Variants in DUOXA1 observed in about 807,000 individuals in gnomAD.
DUOXA1 encodes the protein dual oxidase activator 1.
DUOXA1 carries 19 observed loss-of-function variants against 26.6 expected under a neutral mutation model. The observed-to-expected ratio is 0.71, with a 90% confidence interval of 0.50 to 1.05. DUOXA1 has a LOEUF of 1.05. DUOXA1 is among the 50% of genes least tolerant of loss of function. The pLI is 0.00. For synonymous variants in DUOXA1, 166 were observed against 177.0 expected, an observed-to-expected ratio of 0.94 and a Z score of 0.49; for missense variants, 403 against 427.5, an observed-to-expected ratio of 0.94 and a Z score of 0.51.
intron 4 of DUOXA1, among the ~76,000 whole-genome samples, chr15:45,122,559 A>AT (rs35373061): frequency 0.77 from 112,525 of 146,574 alleles, 46,659 homozygotes; most frequent in East Asian, 0.93. Context: ...ATGCCCAGCT[A>AT]TTTTTTTTTT....
Position 45,119,268 on chromosome 15 carries a change from G to T in DUOXA1, c.870C>A (p.Asp290Glu), listed in dbSNP as rs143792283. Residue 290 changes from aspartate to glutamate, a missense_variant, in exon 9 of 9, where the codon GAC becomes GAA. By Grantham distance (45) the Asp-to-Glu change is conservative. Coordinates refer to ENST00000560572, the MANE Select transcript of DUOXA1 (RefSeq NM_001276266.2). ...CCTCAGGACTCCACTCCAGCATGGG[G>T]TCTTCATCCACACTCTGGTTGAAGA... ...KAFFNQSVDE[D>E]PMLEWSPEEG... is the part of the protein sequence containing the mutation. 64 of 1,614,170 alleles carry T rather than the reference G, an allele frequency of 4.0e-5. 1 individual carries two copies. The African/African-American group carries it at 5.6e-4, about 14-fold the overall frequency.
chr15:45,127,885 C>A (rs886191382), intron 3 of DUOXA1, among the ~76,000 whole-genome samples: 1 of 152,136 alleles, frequency 6.6e-6, no homozygotes, highest in Non-Finnish European at 1.5e-5. Flanking sequence ...GTCAAATATG[C>A]ACCTACAAAT....
At chr15:45,123,469 A>C (rs1895419326) in intron 3 of DUOXA1, among the ~76,000 whole-genome samples, 1 of 152,264 alleles carries the variant, frequency 6.6e-6, no homozygotes, top group Non-Finnish European at 1.5e-5. Context: ...GGTACAGATT[A>C]CAAAAAGATT....
chr15:45,125,903 A>G (rs1895642426), intron 3 of DUOXA1, among the ~76,000 whole-genome samples: 1 of 152,076 alleles, frequency 6.6e-6, no homozygotes, highest in African/African-American at 2.4e-5. Flanking sequence ...CTGAGCTCCA[A>G]ACTCAAAAGG....
chr15:45,128,393 G>A lies in DUOXA1; in HGVS notation c.-30+625C>T, dbSNP rs945126523. ...GGGCCACTAATTCTCCACAAGTGGGGAGTGGGTGACATGGCTGGAGTTGCC... is the reference window on the plus strand; with the variant it reads ...GGGCCACTAATTCTCCACAAGTGGGAAGTGGGTGACATGGCTGGAGTTGCC... On this transcript the variant is annotated intron_variant, in intron 3 of 8. Transcript: ENST00000560572. Among the ~76,000 whole-genome samples, 9 of 152,302 alleles carry A rather than the reference G, an allele frequency of 5.9e-5. No individual in the cohort carries two copies. In the South Asian group the frequency reaches 1.9e-3, roughly 32 times the overall value.
In DUOXA1 at chr15:45,118,156, C is replaced by T. The variant is rs973323984; in HGVS notation, c.*950G>A. 1 of 1,438,122 alleles carries T rather than the reference C, an allele frequency of 7.0e-7. No homozygotes were observed. The highest frequency in any genetic ancestry group is 9.1e-7 in the Non-Finnish European group (1 of 1,101,400). The allele number at this position is 1,438,122 out of a possible 1,614,324, so 89.1% of individuals were successfully genotyped here. A position where few individuals can be genotyped will look rare whatever the true frequency, so the allele number is the denominator to read the frequency against. On this transcript the variant is annotated 3_prime_UTR_variant, in exon 9 of 9. Transcript: ENST00000560572. The stretch of plus-strand genomic sequence containing the variant: ...GCTTCTCCGCGCCGGGGTCGCACGT[C>T]CTCATGAGCTTCGCTGGGCTGGAGA...
chr15:45,122,255 G>T lies in DUOXA1; in HGVS notation c.148-13C>A. 1.3e-6 allele frequency: 2 copies of T among 1,598,534 alleles called. No homozygotes were observed. Among genetic ancestry groups the T allele is most frequent in the Non-Finnish European group, 1.7e-6 (2 of 1,172,086 alleles). On this transcript the variant is annotated splice_polypyrimidine_tract_variant and intron_variant, in intron 4 of 8. Coordinates refer to ENST00000560572, the MANE Select transcript of DUOXA1 (RefSeq NM_001276266.2). ...GCCAGAACAGCCTCTGAGTCACAAG[G>T]TAGGTGGGTTAAGTAAAGAGTGCCT...
At position 45,122,200 on chromosome 15, in the gene DUOXA1, C is replaced by G; in HGVS notation, c.190G>C (p.Gly64Arg). The G allele has an allele frequency of 6.2e-7, 1 of 1,604,140 alleles. No homozygotes were observed. The highest frequency in any genetic ancestry group is 8.5e-7 in the Non-Finnish European group (1 of 1,175,372). The change falls in exon 5 of 9, where the codon GGG becomes CGG. Residue 64 changes from glycine (G) to arginine (R), a missense_variant. Physicochemically the swap from Gly to Arg is moderately radical, Grantham distance 125 (BLOSUM62 -2). Coordinates refer to ENST00000560572, the MANE Select transcript of DUOXA1 (RefSeq NM_001276266.2). ...LLRVVTSLFI[G>R]AAILAVNFSS... Reference sequence around the variant, plus strand: ...TCGCACTCACCCAGGATTGCAGCCCCGATGAATAAGCTGGTCACCACCCGA... The same window carrying G: ...TCGCACTCACCCAGGATTGCAGCCCGGATGAATAAGCTGGTCACCACCCGA...
At chr15:45,126,334 T>C (rs1194431553) in intron 3 of DUOXA1, among the ~76,000 whole-genome samples, 4 of 152,258 alleles carry the variant, frequency 2.6e-5, no homozygotes, top group Non-Finnish European at 1.5e-5. Context: ...ACTGAATGAC[T>C]GACCTCTCCC....
rs1186667877 is a variant in DUOXA1, at chr15:45,117,962, G to A, written c.*1144C>T. ...GCCTTGGGACATCGCAGGCCGGGAAGCAGTGCCCGCCAGGCCTGGGCCAGG... is the reference window on the plus strand; with the variant it reads ...GCCTTGGGACATCGCAGGCCGGGAAACAGTGCCCGCCAGGCCTGGGCCAGG... On this transcript the variant is annotated 3_prime_UTR_variant, in exon 9 of 9. Transcript: ENST00000560572. 1.3e-5 allele frequency: 21 copies of A among 1,612,650 alleles called. No homozygotes were observed. Among genetic ancestry groups the A allele is most frequent in the Non-Finnish European group, 1.7e-5 (20 of 1,179,720 alleles).
Position 45,119,348 on chromosome 15 carries a change from G to A in DUOXA1, c.790C>T (p.Leu264=). Residue 264 remains leucine (L), a synonymous_variant, in exon 9 of 9, where the codon CTG becomes TTG. Transcript: ENST00000560572. Reference sequence around the variant, plus strand: ...TGGGCCACCGCCATAGCCAGGCCCAGCAGCACACACAGCAGTCCTGGAGAT... The same window carrying A: ...TGGGCCACCGCCATAGCCAGGCCCAACAGCACACACAGCAGTCCTGGAGAT... The part of the protein sequence containing the change: ...TLTTGLLCVL[L]GLAMAVAHRM... 4 of 1,612,526 alleles carry A rather than the reference G, an allele frequency of 2.5e-6. No homozygotes were observed. The highest frequency in any genetic ancestry group is 2.5e-6 in the Non-Finnish European group (3 of 1,179,004).
At position 45,120,580 on chromosome 15, in the gene DUOXA1, TC is replaced by T; in HGVS notation, c.554+11del. ...TACCAGGGCCTCCACCCCGTCTCCT[TC>T]CCATCCTCACCATAGCATGGCTGAG... On this transcript the variant is annotated intron_variant, in intron 7 of 8. Coordinates refer to ENST00000560572, the MANE Select transcript of DUOXA1 (RefSeq NM_001276266.2). The T allele has an allele frequency of 6.2e-7, 1 of 1,613,854 alleles. No individual in the cohort carries two copies. Among genetic ancestry groups the T allele is most frequent in the South Asian group, 1.1e-5 (1 of 91,070 alleles).
In DUOXA1 at chr15:45,120,779, T is replaced by C. The variant is rs756865646; in HGVS notation, c.367A>G (p.Thr123Ala). The C allele has an allele frequency of 1.2e-6, 2 of 1,614,020 alleles. No homozygotes were observed. The highest frequency in any genetic ancestry group is 1.7e-5 in the Admixed American group (1 of 60,016). ...TGTPVQQLNE[T>A]INYNEEFTWR... is the part of the protein sequence containing the mutation. Reference sequence around the variant, plus strand: ...GTGAACTCCTCGTTGTAATTGATGGTCTCATTCAGCTGCTGCACGGGGGTC... The same window carrying C: ...GTGAACTCCTCGTTGTAATTGATGGCCTCATTCAGCTGCTGCACGGGGGTC... Residue 123 changes from threonine to alanine, a missense_variant, in exon 7 of 9, where the codon ACC becomes GCC. Thr to Ala is a moderately conservative substitution (Grantham distance 58). Coordinates refer to ENST00000560572, the MANE Select transcript of DUOXA1 (RefSeq NM_001276266.2).
At chr15:45,126,645 T>C (rs1895702125) in intron 3 of DUOXA1, among the ~76,000 whole-genome samples, 1 of 151,308 alleles carries the variant, frequency 6.6e-6, no homozygotes, top group Non-Finnish European at 1.5e-5. Context: ...CATCTTTCCA[T>C]CTTTGCATCC....
At chr15:45,124,333 G>A (rs6493136) in intron 3 of DUOXA1, among the ~76,000 whole-genome samples, 23,650 of 152,130 alleles carry the variant, frequency 0.16, 4,665 homozygotes, top group African/African-American at 0.46. Context: ...AGCATGAAAT[G>A]AGATTGTGTA....
chr15:45,125,890 T>C (rs1370680701), intron 3 of DUOXA1, among the ~76,000 whole-genome samples: 1 of 152,218 alleles, frequency 6.6e-6, no homozygotes, highest in Non-Finnish European at 1.5e-5. Flanking sequence ...GTAGTCCTCC[T>C]ACCTGAGCTC....
In DUOXA1 at chr15:45,117,538, A is replaced by C. The variant is rs1326037798; in HGVS notation, c.*1568T>G. 2.6e-6 allele frequency: 4 copies of C among 1,564,284 alleles called. No homozygotes were observed. The highest frequency in any genetic ancestry group is 3.5e-6 in the Non-Finnish European group (4 of 1,153,660). On this transcript the variant is annotated 3_prime_UTR_variant, in exon 9 of 9. Transcript: ENST00000560572. ...ATTCAGATTAGAGGTGTGTGGCGGGAGGTAACACAAGGGGTAGGCTCCAAA... is the reference window on the plus strand; with the variant it reads ...ATTCAGATTAGAGGTGTGTGGCGGGCGGTAACACAAGGGGTAGGCTCCAAA...
chr15:45,123,878 G>C (rs1895451708), intron 3 of DUOXA1, among the ~76,000 whole-genome samples: 1 of 152,130 alleles, frequency 6.6e-6, no homozygotes, highest in South Asian at 2.1e-4. Flanking sequence ...CAGGATATTG[G>C]GAAAATGGTA....
At chr15:45,120,561 G>T (rs1895088254) in intron 7 of DUOXA1, 31 bp downstream of exon 7, 1 of 1,608,394 alleles carries the variant, frequency 6.2e-7, no homozygotes, top group Non-Finnish European at 8.5e-7. Context: ...AGGCTACCAG[G>T]GCCTCCACCC....
Sources: gnomAD v4.1 joint callset for allele counts (sites outside exome capture counted in the v4.1 genomes callset) on GRCh38, gnomAD v4.1.1 for gene constraint, MANE v1.5 for transcripts, NCBI Gene and HGNC (gene_info 2026-07-23, HGNC 2026-07-21) for gene names.